Variants in NOL4 observed in about 807,000 individuals in gnomAD.
The protein encoded by NOL4 is cancer/testis antigen 125.
A neutral mutation model predicts 75.9 loss-of-function variants in NOL4; 17 were observed. The ratio of observed to expected loss-of-function variants is 0.22; its 90% CI spans 0.15 to 0.34. The LOEUF is 0.34. NOL4 is among the 10% of genes least tolerant of loss of function. NOL4 has a pLI of 1.00. For synonymous variants in NOL4, 292 were observed against 289.9 expected (o/e 1.01, Z -0.07); for missense variants, 614 against 793.5 (o/e 0.77, Z 2.72).
chr18:34,107,437 T>C (rs1391442001), intron 2 of NOL4, among the ~76,000 whole-genome samples: 3 of 152,110 alleles, frequency 2.0e-5, no homozygotes, highest in African/African-American at 4.8e-5. Context: ...CATGTCACTA[T>C]CTATTACATA....
intron 8 of NOL4, among the ~76,000 whole-genome samples, chr18:33,945,518 T>C (rs889533255): frequency 2.0e-5 from 3 of 151,906 alleles, no homozygotes; most frequent in African/African-American, 7.2e-5. Flanking sequence ...TGCATAATAA[T>C]TTATGTAATT....
chr18:34,106,926 G>A (rs371816517), intron 2 of NOL4, among the ~76,000 whole-genome samples: 89 of 152,062 alleles, frequency 5.9e-4, no homozygotes, highest in Non-Finnish European at 1.0e-3. Context: ...GAACTAATGC[G>A]TCTGACCAGT....
chr18:34,135,333 TA>T (rs1471024762), intron 1 of NOL4, among the ~76,000 whole-genome samples: 13 of 152,208 alleles, frequency 8.5e-5, no homozygotes, highest in African/African-American at 2.9e-4. Context: ...TAGAAAGACT[TA>T]AATTATTGAT....
At chr18:34,002,716 T>C (rs544781142) in intron 6 of NOL4, among the ~76,000 whole-genome samples, 1 of 152,116 alleles carries the variant, frequency 6.6e-6, no homozygotes, top group Non-Finnish European at 1.5e-5. Flanking sequence ...AAATGTACTA[T>C]TAAATAAAAA....
At chr18:34,192,140 AT>A (rs1316072221) in intron 1 of NOL4, among the ~76,000 whole-genome samples, 1 of 152,132 alleles carries the variant, frequency 6.6e-6, no homozygotes, top group African/African-American at 2.4e-5. Flanking sequence ...TATCTGCAAA[AT>A]CAAAGAGCTG....
intron 1 of NOL4, among the ~76,000 whole-genome samples, chr18:34,187,875 T>C (rs552906880): frequency 6.6e-6 from 1 of 152,336 alleles, no homozygotes; most frequent in African/African-American, 2.4e-5. Flanking sequence ...TGCAGGATTC[T>C]GTTTTATTTA....
chr18:34,198,231 TA>T (rs1459596145), intron 1 of NOL4, among the ~76,000 whole-genome samples: 2 of 151,910 alleles, frequency 1.3e-5, no homozygotes. Context: ...CTACTTTTTT[TA>T]TTAAACACTT....
intron 5 of NOL4, among the ~76,000 whole-genome samples, chr18:34,085,086 C>T (rs1029885416): frequency 1.3e-5 from 2 of 152,108 alleles, no homozygotes; most frequent in Non-Finnish European, 2.9e-5. Context: ...GTTGGAAATG[C>T]AGGTGGTCTG....
At chr18:34,220,933 T>C (rs2037255044) in intron 1 of NOL4, 1 of 152,186 alleles carries the variant, frequency 6.6e-6, no homozygotes, top group Admixed American at 6.5e-5. Flanking sequence ...ATTCTTTAGC[T>C]ATTCTGCATA....
intron 5 of NOL4, among the ~76,000 whole-genome samples, chr18:34,050,068 TA>T (rs2076566534): frequency 6.6e-6 from 1 of 152,172 alleles, no homozygotes; most frequent in Non-Finnish European, 1.5e-5. Context: ...ATTTCCATCA[TA>T]GTAAAAAATG....
At chr18:33,933,331 T>C (rs940591400) in intron 9 of NOL4, among the ~76,000 whole-genome samples, 1 of 152,170 alleles carries the variant, frequency 6.6e-6, no homozygotes, top group African/African-American at 2.4e-5. Flanking sequence ...TCGATATTGA[T>C]GGCTGTTGAA....
chr18:34,107,716 C>A (rs989975049), intron 2 of NOL4, among the ~76,000 whole-genome samples: 1 of 151,570 alleles, frequency 6.6e-6, no homozygotes, highest in Non-Finnish European at 1.5e-5. Context: ...TATTCAGAAT[C>A]TTTTCTCCCA....
At position 34,069,887 on chromosome 18, in the gene NOL4, T is replaced by C. The variant is rs1012722018; in HGVS notation, c.772+23578A>G. On this transcript the variant is annotated intron_variant, in intron 5 of 10. Transcript: ENST00000261592. Reference sequence around the variant, plus strand: ...TAACAGACAGATCTCCTAATTTTAGTCCTGCCTCCAACTTAGGACCAACCA... The same window carrying C: ...TAACAGACAGATCTCCTAATTTTAGCCCTGCCTCCAACTTAGGACCAACCA... Among the ~76,000 whole-genome samples, 8 of 152,350 alleles carry C rather than the reference T, an allele frequency of 5.3e-5. No individual in the cohort carries two copies. In the South Asian group the frequency reaches 8.3e-4, roughly 16 times the overall value.
chr18:34,140,027 C>T (rs1356954907), intron 1 of NOL4, among the ~76,000 whole-genome samples: 1 of 152,162 alleles, frequency 6.6e-6, no homozygotes, highest in Admixed American at 6.6e-5. Context: ...AGTTTGATTG[C>T]ACTGTGGTCT....
chr18:34,095,972 A>ATG (rs71266909), intron 4 of NOL4, among the ~76,000 whole-genome samples: 44,147 of 151,626 alleles, frequency 0.29, 7,618 homozygotes, highest in East Asian at 0.44. Flanking sequence ...GAGGATATGT[A>ATG]TGTGTGTGTG....
At chr18:33,909,645 A>G (rs2066273652) in intron 9 of NOL4, among the ~76,000 whole-genome samples, 1 of 152,118 alleles carries the variant, frequency 6.6e-6, no homozygotes, top group Non-Finnish European at 1.5e-5. Flanking sequence ...ACCCAGGACC[A>G]AGTCTTATAC....
chr18:34,088,592 T>G (rs2078355931), intron 5 of NOL4, among the ~76,000 whole-genome samples: 1 of 152,126 alleles, frequency 6.6e-6, no homozygotes, highest in South Asian at 2.1e-4. Flanking sequence ...TCCTTCATAA[T>G]AAGTCCCTTA....
chr18:33,920,216 G>A (rs551653147), intron 9 of NOL4, among the ~76,000 whole-genome samples: 2 of 152,192 alleles, frequency 1.3e-5, no homozygotes, highest in South Asian at 2.1e-4. Flanking sequence ...GACAGAAGGA[G>A]AGAGAGGTCT....
chr18:34,220,360 A>T (rs1443043900), intron 1 of NOL4, among the ~76,000 whole-genome samples: 1 of 152,210 alleles, frequency 6.6e-6, no homozygotes, highest in East Asian at 1.9e-4. Flanking sequence ...GGAGCAAAGC[A>T]TCTCTTACTG....
Sources: allele counts gnomAD v4.1 joint callset (sites outside exome capture counted in the v4.1 genomes callset), GRCh38; gene constraint gnomAD v4.1.1; transcripts MANE v1.5; gene names NCBI Gene and HGNC (gene_info 2026-07-23, HGNC 2026-07-21).